GMPPB: variants seen among roughly 807,000 people sequenced by gnomAD.
The protein encoded by GMPPB is GDP-mannose pyrophosphorylase B.
In GMPPB, 38 loss-of-function variants were observed where a neutral mutation model predicts 40.3. The ratio of observed to expected loss-of-function variants is 0.94; its 90% CI spans 0.73 to 1.24. The LOEUF (loss-of-function observed/expected upper bound fraction) is 1.24, where lower values mean the gene tolerates loss of function less well. Among genes scored for constraint, GMPPB ranks in the 50% most tolerant of loss-of-function variants. GMPPB has a pLI of 0.00. For missense variants in GMPPB, 436 were observed against 487.1 expected (o/e 0.90, Z 0.99); for synonymous variants, 193 against 191.8 (o/e 1.01, Z -0.05).
chr3:49,723,292 C>G lies in GMPPB; in HGVS notation c.221G>C (p.Arg74Pro), dbSNP rs1231333069. The change falls in exon 3 of 9, where the codon CGA (arginine) becomes CCA (proline). Residue 74 changes from arginine (R) to proline (P), a missense_variant. Coordinates refer to ENST00000308388, the MANE Select transcript of GMPPB (RefSeq NM_021971.4). ...CTCCTCTTCATGGGACATGGAGATT[C>G]GGATTCCCAGCTGGAAGGAAGAGGC... ...MKAQEQRLGI[R>P]ISMSHEEEPL... 1.2e-6 allele frequency: 2 copies of G among 1,614,058 alleles called. No individual in the cohort carries two copies. Among genetic ancestry groups the G allele is most frequent in the African/African-American group, 2.7e-5 (2 of 74,936 alleles).
Position 49,721,656 on chromosome 3 carries a change from A to T in GMPPB, c.*96T>A. 1 of 1,210,838 alleles carries T rather than the reference A, an allele frequency of 8.3e-7. No homozygotes were observed. The highest frequency in any genetic ancestry group is 2.4e-5 in the East Asian group (1 of 42,460). 75.0% of individuals were successfully genotyped at this position (1,210,838 alleles called of 1,614,324 possible). ...TTCAGCTTCACCCAGTGCCCCCCAG[A>T]CAAATAATGACAAGTCCAGGGTCTT... On this transcript the variant is annotated 3_prime_UTR_variant, in exon 9 of 9. Coordinates refer to ENST00000308388, the MANE Select transcript of GMPPB (RefSeq NM_021971.4).
At position 49,723,233 on chromosome 3, in the gene GMPPB, G is replaced by T. The variant is rs191646881; in HGVS notation, c.259+21C>A. The T allele has an allele frequency of 5.0e-5, 81 of 1,613,784 alleles. No individual in the cohort carries two copies. The African/African-American group carries it at 9.9e-4, about 20-fold the overall frequency. On this transcript the variant is annotated intron_variant, in intron 3 of 8. Coordinates refer to ENST00000308388, the MANE Select transcript of GMPPB (RefSeq NM_021971.4). ...CCTGGCCTTAAACCCTCCCCCAAGGGACCTTTCTGCCTCTACTGACCTGTC... is the reference window on the plus strand; with the variant it reads ...CCTGGCCTTAAACCCTCCCCCAAGGTACCTTTCTGCCTCTACTGACCTGTC...
rs2080462832 is a variant in GMPPB, at chr3:49,723,799, G to A, written c.-73C>T. The A allele has an allele frequency of 1.0e-5, 15 of 1,474,052 alleles. No homozygotes were observed. The highest frequency in any genetic ancestry group is 1.4e-5 in the South Asian group (1 of 73,472). The allele number at this position is 1,474,052 out of a possible 1,614,324, so 91.3% of individuals were successfully genotyped here. ...AGCCCGCCTGGCCGGTCCCTGCCGC[G>A]CACTCCCAACGCCGTGCCCGGCCCC... On this transcript the variant is annotated 5_prime_UTR_variant, in exon 1 of 9. Transcript: ENST00000308388.
chr3:49,722,184 T>G (rs749410478), intron 7 of GMPPB, 37 bp from the exon 8 acceptor site: 4 of 1,606,640 alleles, frequency 2.5e-6, no homozygotes, highest in Non-Finnish European at 2.6e-6. Context: ...GGGCCACTTG[T>G]CTCCCAAGAC....
intron 6 of GMPPB, 29 bp from the exon 7 acceptor site, chr3:49,722,387 A>C: frequency 6.2e-7 from 1 of 1,613,546 alleles, no homozygotes; most frequent in East Asian, 2.2e-5. Flanking sequence ...CAGGGGCCTC[A>C]GCCCAGCCAC....
rs1485935398 is a variant in GMPPB, at chr3:49,721,516, T to G, written c.*236A>C. ...GTCAGGGCCACAGTGAGCATTAAATTATTATTCCATACAGCCCTGGCCCTG... is the reference window on the plus strand; with the variant it reads ...GTCAGGGCCACAGTGAGCATTAAATGATTATTCCATACAGCCCTGGCCCTG... On this transcript the variant is annotated 3_prime_UTR_variant, in exon 9 of 9. Transcript: ENST00000308388. 2 of 826,498 alleles carry G rather than the reference T, an allele frequency of 2.4e-6. No individual in the cohort carries two copies. Among genetic ancestry groups the G allele is most frequent in the Admixed American group, 3.9e-5 (2 of 51,492 alleles). The allele number at this position is 826,498 out of a possible 1,614,324, so 51.2% of individuals were successfully genotyped here.
In GMPPB at chr3:49,720,189, G is replaced by T; in HGVS notation, c.*1563C>A. 1 of 188,348 alleles carries T rather than the reference G, an allele frequency of 5.3e-6. No individual in the cohort carries two copies. The highest frequency in any genetic ancestry group is 1.1e-5 in the Non-Finnish European group (1 of 92,124). 11.7% of individuals were successfully genotyped at this position (188,348 alleles called of 1,614,324 possible). A position where few individuals can be genotyped will look rare whatever the true frequency, so the allele number is the denominator to read the frequency against. ...CAATTAGCCGGGCGTGGTGGTGGGC[G>T]TCTGCAATTCCAGCTACTCGGGAGG... On this transcript the variant is annotated 3_prime_UTR_variant, in exon 9 of 9. Coordinates refer to ENST00000308388, the MANE Select transcript of GMPPB (RefSeq NM_021971.4).
Position 49,723,419 on chromosome 3 carries a change from C to T in GMPPB, c.183G>A (p.Glu61=). 1.9e-6 allele frequency: 3 copies of T among 1,614,186 alleles called. No homozygotes were observed. Among genetic ancestry groups the T allele is most frequent in the Non-Finnish European group, 2.5e-6 (3 of 1,180,032 alleles). Residue 61 remains glutamate, a synonymous_variant, in exon 2 of 9, where the codon GAG becomes GAA. Coordinates refer to ENST00000308388, the MANE Select transcript of GMPPB (RefSeq NM_021971.4). ...TCTGCTCCTGTGCCTTCATTTCCTT[C>T]TCCAGCACCTGCGACATGTAGCTCA... ...LAVSYMSQVL[E]KEMKAQEQRL... is the part of the protein sequence containing the mutation.
At position 49,723,935 on chromosome 3, in the gene GMPPB, C is replaced by T. The variant is rs1396061459; in HGVS notation, c.-209G>A. 4 of 494,504 alleles carry T rather than the reference C, an allele frequency of 8.1e-6. No homozygotes were observed. The highest frequency in any genetic ancestry group is 1.4e-5 in the Non-Finnish European group (4 of 288,338). 30.6% of individuals were successfully genotyped at this position (494,504 alleles called of 1,614,324 possible). A position where few individuals can be genotyped will look rare whatever the true frequency, so the allele number is the denominator to read the frequency against. ...ACAGAACGCGACACCGGGTAGACGG[C>T]TGCTGGCCCCGAACTCAGGCCGGAC... On this transcript the variant is annotated 5_prime_UTR_variant, in exon 1 of 9. Coordinates refer to ENST00000308388, the MANE Select transcript of GMPPB (RefSeq NM_021971.4).
chr3:49,722,822 A>C, intron 4 of GMPPB, 68 bp from the exon 5 acceptor site: 1 of 1,542,400 alleles, frequency 6.5e-7, no homozygotes, highest in Non-Finnish European at 8.8e-7. Flanking sequence ...ATGCCGTTCC[A>C]GATCTCAAGA....
In GMPPB at chr3:49,721,977, G is replaced by A. The variant is rs147714661; in HGVS notation, c.939C>T (p.Arg313=). ...CCCACAGGCTTACCCACTGACCCAC[G>A]CGGCAGCGCCAGCCCACAATGCAGG... ...LESCIVGWRC[R]VGQWVRMENV... Residue 313 remains arginine (R), a synonymous_variant, in exon 8 of 9, where the codon CGC becomes CGT. Transcript: ENST00000308388. The A allele has an allele frequency of 9.6e-5, 116 of 1,213,472 alleles. No homozygotes were observed. In the East Asian group the frequency reaches 1.0e-3, roughly 11 times the overall value. The allele number at this position is 1,213,472 out of a possible 1,614,324, so 75.2% of individuals were successfully genotyped here. A position where few individuals can be genotyped will look rare whatever the true frequency, so the allele number is the denominator to read the frequency against.
In GMPPB at chr3:49,723,706, C is replaced by G. The variant is rs1372624024; in HGVS notation, c.21G>C (p.Val7=). The G allele has an allele frequency of 3.1e-6, 5 of 1,592,356 alleles. No homozygotes were observed. The highest frequency in any genetic ancestry group is 2.2e-5 in the East Asian group (1 of 44,814). Residue 7 remains valine, a synonymous_variant, in exon 1 of 9, where the codon GTG becomes GTC. Transcript: ENST00000308388. MKALIL[V]GGYGTRLRPL... is the part of the protein sequence containing the mutation. ...GCCGTAGCCGCGTCCCATAGCCCCC[C>G]ACTAAGATCAGTGCCTTCATCGCGC...
Position 49,721,594 on chromosome 3 carries a change from A to AGAT in GMPPB, c.*155_*157dup. 6.0e-6 allele frequency: 5 copies of AGAT among 835,134 alleles called. No homozygotes were observed. The South Asian group carries it at 7.3e-5, about 12-fold the overall frequency. The allele number at this position is 835,134 out of a possible 1,614,324, so 51.7% of individuals were successfully genotyped here. A position where few individuals can be genotyped will look rare whatever the true frequency, so the allele number is the denominator to read the frequency against. The stretch of plus-strand genomic sequence containing the variant: ...GGGTGTGCCCAGCAGGGATCCTGCC[A>AGAT]GATGATGTCCACATGAGAAGGCAGG... On this transcript the variant is annotated 3_prime_UTR_variant, in exon 9 of 9. Coordinates refer to ENST00000308388, the MANE Select transcript of GMPPB (RefSeq NM_021971.4).
chr3:49,723,851 A>C lies in GMPPB; in HGVS notation c.-125T>G. 1 of 1,153,542 alleles carries C rather than the reference A, an allele frequency of 8.7e-7. No homozygotes were observed. The highest frequency in any genetic ancestry group is 1.2e-6 in the Non-Finnish European group (1 of 849,788). The allele number at this position is 1,153,542 out of a possible 1,614,324, so 71.5% of individuals were successfully genotyped here. A position where few individuals can be genotyped will look rare whatever the true frequency, so the allele number is the denominator to read the frequency against. ...CGCCCTTCACCAACCCGCCTGACAG[A>C]CTCTGGCTCCACCTCGTCCGCCCGG... is the stretch of plus-strand genomic sequence containing the variant. On this transcript the variant is annotated 5_prime_UTR_variant, in exon 1 of 9. Transcript: ENST00000308388.
chr3:49,722,647 C>G lies in GMPPB; in HGVS notation c.510G>C (p.Lys170Asn), dbSNP rs2080435262. The change falls in exon 5 of 9, where the codon AAG (lysine) becomes AAC (asparagine). Residue 170 changes from lysine to asparagine, a missense_variant. By Grantham distance (94) the Lys-to-Asn change is moderately conservative (BLOSUM62 0). Transcript: ENST00000308388. ...VEKPQVFVSN[K>N]INAGMYILSP... ...TCAGGATGTACATGCCTGCGTTGAT[C>G]TTATTGGACACAAACACCTGTGGCT... 6.2e-7 allele frequency: 1 copy of G among 1,614,086 alleles called. No individual in the cohort carries two copies. Among genetic ancestry groups the G allele is most frequent in the Non-Finnish European group, 8.5e-7 (1 of 1,180,034 alleles).
intron 4 of GMPPB, 64 bp downstream of exon 4, chr3:49,722,908 G>C (rs369525656): frequency 2.5e-6 from 4 of 1,571,532 alleles, no homozygotes; most frequent in Non-Finnish European, 3.5e-6. Flanking sequence ...ATGAAGGCTA[G>C]GGGGCATGGG....
rs773881356 is a variant in GMPPB, at chr3:49,723,746, G to C, written c.-20C>G. 2.4e-5 allele frequency: 37 copies of C among 1,570,700 alleles called. No homozygotes were observed. The highest frequency in any genetic ancestry group is 2.9e-5 in the Non-Finnish European group (34 of 1,165,254). On this transcript the variant is annotated 5_prime_UTR_variant, in exon 1 of 9. Transcript: ENST00000308388. ...CTTCATCGCGCCTGCGGACGTTGAG[G>C]GGGTGTCCCGGGCTCTGAGGTGCCT...
In GMPPB at chr3:49,721,561, G is replaced by A. The variant is rs958285045; in HGVS notation, c.*191C>T. ...GCCCTGGCCCTTCTTGAGGGAGTGG[G>A]GTTTGTGGGGTGTGCCCAGCAGGGA... is the stretch of plus-strand genomic sequence containing the variant. On this transcript the variant is annotated 3_prime_UTR_variant, in exon 9 of 9. Coordinates refer to ENST00000308388, the MANE Select transcript of GMPPB (RefSeq NM_021971.4). 1 of 794,530 alleles carries A rather than the reference G, an allele frequency of 1.3e-6. No individual in the cohort carries two copies. The highest frequency in any genetic ancestry group is 2.0e-5 in the Admixed American group (1 of 50,276). The allele number at this position is 794,530 out of a possible 1,614,324, so 49.2% of individuals were successfully genotyped here.
At chr3:49,723,358 G>A (rs1330660321) in intron 2 of GMPPB, 34 bp downstream of exon 2, 1 of 1,613,810 alleles carries the variant, frequency 6.2e-7, no homozygotes, top group Non-Finnish European at 8.5e-7. Flanking sequence ...GTTGGGCGGG[G>A]ACCGAGAATA....
Sources: gnomAD v4.1 joint callset for allele counts on GRCh38, gnomAD v4.1.1 for gene constraint, MANE v1.5 for transcripts, NCBI Gene and HGNC (gene_info 2026-07-23, HGNC 2026-07-21) for gene names.